Variants in DCDC1 observed in about 807,000 individuals in gnomAD.
The protein encoded by DCDC1 is doublecortin domain containing 1.
DCDC1 carries 200 observed loss-of-function variants against 178.3 expected under a neutral mutation model. The observed-to-expected ratio is 1.12, with a 90% confidence interval of 1.00 to 1.26. The LOEUF is 1.26. Among genes scored for constraint, DCDC1 ranks in the 50% most tolerant of loss-of-function variants. DCDC1 has a pLI of 0.00. For missense variants in DCDC1, 1,983 were observed against 1,749.2 expected, an observed-to-expected ratio of 1.13 and a Z score of -2.38; for synonymous variants, 690 against 604.8, an observed-to-expected ratio of 1.14 and a Z score of -2.07.
At chr11:31,078,521 A>G (rs1228931010) in intron 17 of DCDC1, among the ~76,000 whole-genome samples, 1 of 152,338 alleles carries the variant, frequency 6.6e-6, no homozygotes, top group East Asian at 1.9e-4. Context: ...GTGTAACAGG[A>G]TGTTAAACAA....
chr11:31,278,021 T>G (rs1015443138), intron 7 of DCDC1, among the ~76,000 whole-genome samples: 2 of 152,150 alleles, frequency 1.3e-5, no homozygotes, highest in African/African-American at 4.8e-5. Flanking sequence ...AGAATTAGTA[T>G]AGTTTTGTTC....
At chr11:30,894,524 T>C in intron 34 of DCDC1, 140 bp from the exon 35 acceptor site, 1 of 1,205,990 alleles carries the variant, frequency 8.3e-7, no homozygotes, top group Non-Finnish European at 1.1e-6. Context: ...AAAGCAAAGA[T>C]GCCTAAGGTA....
chr11:30,982,558 T>C (rs290073), intron 20 of DCDC1, among the ~76,000 whole-genome samples: 3,497 of 148,924 alleles, frequency 0.023, 147 homozygotes, highest in African/African-American at 0.081. Context: ...GTATTTAACA[T>C]TACTGTGTTT....
rs1053643673 is a variant in DCDC1, at chr11:31,069,184, C to T, written c.2299-4031G>A. Among the ~76,000 whole-genome samples the T allele has an allele frequency of 3.3e-5, 5 of 151,880 alleles. No homozygotes were observed. The East Asian group carries it at 5.8e-4, about 18-fold the overall frequency. ...TATTTTTTCTAATATTAATTTTTAT[C>T]GCATATTATAAAAATTAATACTTTA... On this transcript the variant is annotated intron_variant, in intron 18 of 38. Coordinates refer to ENST00000684477, the MANE Select transcript of DCDC1 (RefSeq NM_001387274.1).
At chr11:31,332,298 C>T (rs1950033743) in intron 2 of DCDC1, among the ~76,000 whole-genome samples, 1 of 152,090 alleles carries the variant, frequency 6.6e-6, no homozygotes, top group Non-Finnish European at 1.5e-5. Flanking sequence ...TGCTAGCGGT[C>T]TATCAATTTT....
intron 20 of DCDC1, among the ~76,000 whole-genome samples, chr11:30,985,269 T>C (rs541951769): frequency 6.6e-6 from 1 of 152,288 alleles, no homozygotes; most frequent in East Asian, 1.9e-4. Flanking sequence ...TTGACTATCA[T>C]GTGTGAGCAG....
intron 20 of DCDC1, among the ~76,000 whole-genome samples, chr11:31,020,613 A>T (rs1245104386): frequency 6.6e-6 from 1 of 152,114 alleles, no homozygotes; most frequent in East Asian, 1.9e-4. Context: ...AAAATTTTAT[A>T]AATAGATAGA....
Position 30,959,484 on chromosome 11 carries a change from G to A in DCDC1, c.2592-6916C>T, listed in dbSNP as rs146173554. On this transcript the variant is annotated intron_variant, in intron 20 of 38. Coordinates refer to ENST00000684477, the MANE Select transcript of DCDC1 (RefSeq NM_001387274.1). ...TTATATACTCCCAGAGAGAGGGCCAGGCTTTGGCACAGCTTCCTTCATACC... is the reference window on the plus strand; with the variant it reads ...TTATATACTCCCAGAGAGAGGGCCAAGCTTTGGCACAGCTTCCTTCATACC... Among the ~76,000 whole-genome samples the A allele has an allele frequency of 6.0e-3, 919 of 152,228 alleles. 11 individuals carry two copies. The highest frequency in any genetic ancestry group is 0.019 in the African/African-American group (786 of 41,534).
intron 10 of DCDC1, among the ~76,000 whole-genome samples, chr11:31,129,682 C>G (rs921949051): frequency 1.3e-5 from 2 of 151,720 alleles, no homozygotes; most frequent in African/African-American, 4.9e-5. Context: ...AAGTAATAGC[C>G]CTCAATCCCC....
At chr11:30,948,356 G>A (rs1218918914) in intron 21 of DCDC1, among the ~76,000 whole-genome samples, 2 of 152,024 alleles carry the variant, frequency 1.3e-5, no homozygotes, top group East Asian at 1.9e-4. Flanking sequence ...AATAAGAGAG[G>A]ACACAAACAA....
chr11:30,905,653 T>A (rs395032), intron 30 of DCDC1, among the ~76,000 whole-genome samples: 1 of 151,974 alleles, frequency 6.6e-6, no homozygotes, highest in African/African-American at 2.4e-5. Flanking sequence ...CAACCTAGGA[T>A]GCTGCCCTGA....
At chr11:31,294,854 GA>G (rs1565567353) in intron 6 of DCDC1, among the ~76,000 whole-genome samples, 1 of 121,284 alleles carries the variant, frequency 8.2e-6, no homozygotes, top group Non-Finnish European at 1.8e-5. Context: ...AAGAAAGAAA[GA>G]AAGAAAGAAA....
chr11:31,008,354 T>C (rs1199632517), intron 20 of DCDC1, among the ~76,000 whole-genome samples: 1 of 151,518 alleles, frequency 6.6e-6, no homozygotes, highest in African/African-American at 2.4e-5. Flanking sequence ...AGAAACAGAG[T>C]AAGAGGTAGG....
intron 20 of DCDC1, among the ~76,000 whole-genome samples, chr11:30,971,599 C>CTTT (rs1356806281): frequency 2.2e-5 from 3 of 138,482 alleles, no homozygotes; most frequent in African/African-American, 8.6e-5. Context: ...AAAAACAGGC[C>CTTT]TTTGTTTTTT....
intron 20 of DCDC1, among the ~76,000 whole-genome samples, chr11:30,975,162 A>C (rs964275675): frequency 6.6e-6 from 1 of 152,166 alleles, no homozygotes; most frequent in African/African-American, 2.4e-5. Flanking sequence ...GCATTTGATA[A>C]AATTTAACAT....
At chr11:31,184,116 C>A (rs1052792927) in intron 9 of DCDC1, among the ~76,000 whole-genome samples, 1 of 152,078 alleles carries the variant, frequency 6.6e-6, no homozygotes, top group African/African-American at 2.4e-5. Context: ...AGAACAGATG[C>A]CTCAGAAATA....
chr11:31,270,166 C>G (rs1246606146), intron 7 of DCDC1, among the ~76,000 whole-genome samples: 3 of 152,192 alleles, frequency 2.0e-5, no homozygotes, highest in Non-Finnish European at 4.4e-5. Flanking sequence ...AGTCCATAGC[C>G]TGTTTCTGTG....
At chr11:30,930,017 G>A (rs158631) in intron 22 of DCDC1, among the ~76,000 whole-genome samples, 17,886 of 152,030 alleles carry the variant, frequency 0.12, 1,168 homozygotes, top group Admixed American at 0.2. Flanking sequence ...ATGTTACTAG[G>A]GCAAGATTTG....
At chr11:30,939,620 C>A (rs1025453442) in intron 21 of DCDC1, among the ~76,000 whole-genome samples, 49 of 152,068 alleles carry the variant, frequency 3.2e-4, no homozygotes, top group African/African-American at 1.2e-3. Context: ...GGTTATAAAC[C>A]GTCCCTTTCC....
Sources: allele counts gnomAD v4.1 joint callset (sites outside exome capture counted in the v4.1 genomes callset), GRCh38; gene constraint gnomAD v4.1.1; transcripts MANE v1.5; gene names NCBI Gene and HGNC (gene_info 2026-07-23, HGNC 2026-07-21).